Variants in ANTXR1 observed in about 807,000 individuals in gnomAD.
ANTXR1 encodes anthrax toxin receptor 1.
ANTXR1 carries 19 observed loss-of-function variants against 78.1 expected under a neutral mutation model. That is an observed-to-expected ratio of 0.24 (90% confidence interval 0.17 to 0.36). The LOEUF (loss-of-function observed/expected upper bound fraction) is 0.36, where lower values mean the gene tolerates loss of function less well. Ranked by LOEUF, ANTXR1 falls within the 10% of genes least tolerant of loss-of-function variation. ANTXR1 has a pLI of 1.00. For synonymous variants in ANTXR1, 273 were observed against 260.5 expected (o/e 1.05, Z -0.46); for missense variants, 518 against 718.6 (o/e 0.72, Z 3.19).
At chr2:69,126,658 A>G (rs1370190989) in intron 12 of ANTXR1, among the ~76,000 whole-genome samples, 1 of 152,048 alleles carries the variant, frequency 6.6e-6, no homozygotes, top group Non-Finnish European at 1.5e-5. Context: ...TGGGAAGGGA[A>G]GACATCTCAG....
intron 11 of ANTXR1, 38 bp downstream of exon 11, chr2:69,123,124 AAGAG>A (rs1316371102): frequency 1.2e-6 from 2 of 1,602,806 alleles, no homozygotes; most frequent in Non-Finnish European, 1.7e-6. Flanking sequence ...CCAGCCAGGG[AAGAG>A]AGAGAGGAGG....
At chr2:69,161,960 A>T (rs1005662809) in intron 13 of ANTXR1, among the ~76,000 whole-genome samples, 3 of 152,230 alleles carry the variant, frequency 2.0e-5, no homozygotes, top group Admixed American at 6.5e-5. Flanking sequence ...GACCTTTGTC[A>T]TCTAAATACA....
chr2:69,153,105 A>G (rs192256990), intron 13 of ANTXR1, among the ~76,000 whole-genome samples: 1 of 152,312 alleles, frequency 6.6e-6, no homozygotes, highest in Admixed American at 6.5e-5. Context: ...TGTGAAGCCC[A>G]TGAATGTGAA....
At chr2:69,035,670 T>A (rs1237239580) in intron 1 of ANTXR1, among the ~76,000 whole-genome samples, 4 of 152,202 alleles carry the variant, frequency 2.6e-5, no homozygotes, top group Non-Finnish European at 4.4e-5. Context: ...TAAATAATTG[T>A]GTAAAGAATG....
At chr2:69,022,442 CCTGA>C (rs1483931052) in intron 1 of ANTXR1, among the ~76,000 whole-genome samples, 3 of 152,188 alleles carry the variant, frequency 2.0e-5, no homozygotes, top group Non-Finnish European at 4.4e-5. Context: ...GTTGAGAACT[CCTGA>C]CTAAAAGAAG....
At chr2:69,021,364 A>C (rs1671183911) in intron 1 of ANTXR1, among the ~76,000 whole-genome samples, 1 of 152,264 alleles carries the variant, frequency 6.6e-6, no homozygotes, top group Non-Finnish European at 1.5e-5. Flanking sequence ...AAGGTAGGTC[A>C]GGTTATGCTG....
At chr2:69,069,285 C>G (rs1156261511) in intron 3 of ANTXR1, among the ~76,000 whole-genome samples, 1 of 152,178 alleles carries the variant, frequency 6.6e-6, no homozygotes. Flanking sequence ...AACAGGGCCT[C>G]TGGGATTAAA....
chr2:69,112,040 A>G (rs1461648203), intron 10 of ANTXR1, among the ~76,000 whole-genome samples: 3 of 152,214 alleles, frequency 2.0e-5, no homozygotes, highest in Non-Finnish European at 4.4e-5. Flanking sequence ...GGGATTTTAT[A>G]TCATGTGAAG....
chr2:69,116,958 T>G (rs1159441408), intron 10 of ANTXR1, among the ~76,000 whole-genome samples: 3 of 152,236 alleles, frequency 2.0e-5, no homozygotes, highest in African/African-American at 7.2e-5. Flanking sequence ...TTCTGGGAAC[T>G]TTCTTCTTTG....
intron 14 of ANTXR1, among the ~76,000 whole-genome samples, chr2:69,172,769 T>C (rs1045829755): frequency 3.9e-5 from 6 of 152,214 alleles, no homozygotes; most frequent in Admixed American, 6.5e-5. Flanking sequence ...TGAGATTCTA[T>C]GTAACCAACG....
chr2:69,121,992 C>T (rs1672362551), intron 10 of ANTXR1, among the ~76,000 whole-genome samples: 1 of 152,232 alleles, frequency 6.6e-6, no homozygotes, highest in South Asian at 2.1e-4. Context: ...TCTGATTCAC[C>T]TTCTACAGCT....
At chr2:69,166,636 G>A (rs1673834178) in intron 13 of ANTXR1, among the ~76,000 whole-genome samples, 1 of 152,156 alleles carries the variant, frequency 6.6e-6, no homozygotes, top group African/African-American at 2.4e-5. Context: ...TCCATGTTAT[G>A]CTTATGTTTA....
chr2:69,142,796 A>C (rs1224686783), intron 12 of ANTXR1, among the ~76,000 whole-genome samples: 1 of 152,182 alleles, frequency 6.6e-6, no homozygotes, highest in East Asian at 1.9e-4. Flanking sequence ...AGCTAATGCC[A>C]TTTAGTTCTG....
intron 3 of ANTXR1, among the ~76,000 whole-genome samples, chr2:69,064,244 C>G (rs888825381): frequency 3.9e-5 from 6 of 152,108 alleles, no homozygotes; most frequent in African/African-American, 1.4e-4. Context: ...TTCACCTGGA[C>G]TTATTTATGC....
At chr2:69,022,045 C>T (rs917432898) in intron 1 of ANTXR1, among the ~76,000 whole-genome samples, 1 of 152,176 alleles carries the variant, frequency 6.6e-6, no homozygotes, top group African/African-American at 2.4e-5. Context: ...ATTAGACATG[C>T]TCTCCTGCCA....
chr2:69,102,971 C>G, intron 10 of ANTXR1, 31 bp downstream of exon 10: 1 of 1,598,880 alleles, frequency 6.3e-7, no homozygotes, highest in Non-Finnish European at 8.6e-7. Context: ...TGGGTTTCTT[C>G]GACAAGTGGC....
rs1675552043 is a variant in ANTXR1 at position 69,230,059 on chromosome 2, T to C, written c.1435-15166T>C. ...TACTACCCAGGGTATCTCTGCATAA[T>C]TCTTTGTCTTGCCCCTTTGAAAGGT... On this transcript the variant is annotated intron_variant, in intron 17 of 17. Coordinates refer to ENST00000303714, the MANE Select transcript of ANTXR1 (RefSeq NM_032208.3). Among the ~76,000 whole-genome samples the C allele has an allele frequency of 2.0e-5, 3 of 152,258 alleles. No homozygotes were observed. The South Asian group carries it at 6.2e-4, about 32-fold the overall frequency.
intron 15 of ANTXR1, 178 bp downstream of exon 15, chr2:69,182,059 G>A: frequency 1.5e-6 from 1 of 654,028 alleles, no homozygotes; most frequent in South Asian, 1.7e-5. Flanking sequence ...ACCTCCTTGA[G>A]GTCTGGTGGG....
At chr2:69,155,879 A>G (rs929670863) in intron 13 of ANTXR1, among the ~76,000 whole-genome samples, 2 of 152,184 alleles carry the variant, frequency 1.3e-5, no homozygotes, top group Non-Finnish European at 2.9e-5. Flanking sequence ...CCGATTAGCA[A>G]TGGGGACTGG....
Sources: allele counts gnomAD v4.1 joint callset (sites outside exome capture counted in the v4.1 genomes callset), GRCh38; gene constraint gnomAD v4.1.1; transcripts MANE v1.5; gene names NCBI Gene and HGNC (gene_info 2026-07-23, HGNC 2026-07-21).